CCDC39: variants seen among roughly 807,000 people sequenced by gnomAD.
CCDC39 encodes coiled-coil domain 39 molecular ruler complex subunit.
A neutral mutation model predicts 121.0 loss-of-function variants in CCDC39; 113 were observed. The ratio of observed to expected loss-of-function variants is 0.93; its 90% CI spans 0.80 to 1.09. The LOEUF (loss-of-function observed/expected upper bound fraction) is 1.09. Among genes scored for constraint, CCDC39 ranks in the 50% least tolerant of loss-of-function variants. The probability of loss-of-function intolerance (pLI) is 0.00; values close to 1 mark genes in which losing one functional copy is unlikely to be tolerated. For missense variants in CCDC39, 1,063 were observed against 1,074.7 expected (o/e 0.99, Z 0.15); for synonymous variants, 349 against 352.2 (o/e 0.99, Z 0.10).
rs1017663447 is a variant in CCDC39, at chr3:180,679,138, G to C, written c.90+153C>G. On this transcript the variant is annotated intron_variant, in intron 1 of 19. Transcript: ENST00000476379. The surrounding 1 kb of genome is among the most constrained non-coding windows in gnomAD (Gnocchi z 4.0). The stretch of plus-strand genomic sequence containing the variant: ...AACAATTACTGAAATAGGCAGAGAG[G>C]GTAAGGGAGGAGGGCGATGGTGCGG... Among the ~76,000 whole-genome samples the C allele has an allele frequency of 7.9e-5, 12 of 152,110 alleles. No homozygotes were observed. The highest frequency in any genetic ancestry group is 7.2e-4 in the Admixed American group (11 of 15,268).
chr3:180,631,364 A>G (rs1219135208), intron 14 of CCDC39, 105 bp downstream of exon 14: 17 of 1,066,206 alleles, frequency 1.6e-5, no homozygotes, highest in Non-Finnish European at 2.3e-5. Context: ...TCATGGAGGG[A>G]AAGTTGCAAT....
At chr3:180,668,181 C>T (rs890293666) in intron 1 of CCDC39, among the ~76,000 whole-genome samples, 2 of 152,054 alleles carry the variant, frequency 1.3e-5, no homozygotes, top group African/African-American at 4.8e-5. Context: ...AGTTCAAGAC[C>T]AGTCTTGCAA....
At chr3:180,670,781 G>C (rs1269520454) in intron 1 of CCDC39, among the ~76,000 whole-genome samples, 1 of 151,884 alleles carries the variant, frequency 6.6e-6, no homozygotes, top group Non-Finnish European at 1.5e-5. Context: ...ATATGAGGTG[G>C]GTCTAGACTC....
chr3:180,633,551 G>C (rs868267586), intron 13 of CCDC39, among the ~76,000 whole-genome samples: 3 of 152,092 alleles, frequency 2.0e-5, no homozygotes, highest in Admixed American at 6.5e-5. Context: ...GAGAGACAAG[G>C]GGGGAGATTA....
chr3:180,618,449 C>T lies in CCDC39; in HGVS notation c.2265+810G>A, dbSNP rs1244220048. ...TACTTTAAGTTTTAGGGTACATGTGCACAACATGCAGCTTTGTTGCATATG... is the reference window on the plus strand; with the variant it reads ...TACTTTAAGTTTTAGGGTACATGTGTACAACATGCAGCTTTGTTGCATATG... On this transcript the variant is annotated intron_variant, in intron 16 of 19. Coordinates refer to ENST00000476379, the MANE Select transcript of CCDC39 (RefSeq NM_181426.2). Among the ~76,000 whole-genome samples, 6 of 151,820 alleles carry T rather than the reference C, an allele frequency of 4.0e-5. No homozygotes were observed. In the East Asian group the frequency reaches 1.2e-3, roughly 29 times the overall value.
At chr3:180,644,363 A>G (rs903068922) in intron 11 of CCDC39, 106 bp from the exon 12 acceptor site, 1 of 624,834 alleles carries the variant, frequency 1.6e-6, no homozygotes, top group Admixed American at 3.7e-5. Flanking sequence ...ATACTCAGAT[A>G]TTTAAAATAA....
At chr3:180,661,820 G>T in intron 3 of CCDC39, 41 bp downstream of exon 3, 2 of 1,515,862 alleles carry the variant, frequency 1.3e-6, no homozygotes, top group South Asian at 2.5e-5. Flanking sequence ...ATGGAAGAAT[G>T]AGCAGTAGCA....
In CCDC39 at chr3:180,661,980, T is replaced by C. The variant is rs368066081; in HGVS notation, c.238A>G (p.Thr80Ala). The C allele has an allele frequency of 3.9e-6, 6 of 1,554,356 alleles. No homozygotes were observed. The highest frequency in any genetic ancestry group is 5.2e-6 in the Non-Finnish European group (6 of 1,148,080). The change falls in exon 3 of 20, where the codon ACT (threonine) becomes GCT (alanine). Residue 80 changes from threonine (T) to alanine (A), a missense_variant. Physicochemically the swap from Thr to Ala is moderately conservative, Grantham distance 58. Transcript: ENST00000476379. Reference sequence around the variant, plus strand: ...GCCTTAAAATGTTCTTCACTTTCAGTCTCACGCTCCCTTGCTTTGCAAAGA... The same window carrying C: ...GCCTTAAAATGTTCTTCACTTTCAGCCTCACGCTCCCTTGCTTTGCAAAGA... ...QSLCKARERE[T>A]ESEEHFKAIA...
rs1275367324 is a variant in CCDC39, at chr3:180,651,408, TC to T, written c.1159del (p.Asp387MetfsTer2). On this transcript the variant is annotated frameshift_variant, in exon 9 of 20. Transcript: ENST00000476379. LOFTEE classifies it high-confidence loss of function. ...ATTAAAACTAAACTTTACCTTCACA[TC>T]TTTTTCCTCCTCCTTTAGCATATCT... The part of the protein sequence containing the change: ...LEDMLKEEEK[D>X]VKEVDVQLNL... 1 of 1,555,700 alleles carries T rather than the reference TC, an allele frequency of 6.4e-7. No homozygotes were observed. Among genetic ancestry groups the T allele is most frequent in the Non-Finnish European group, 8.7e-7 (1 of 1,148,854 alleles).
At chr3:180,658,126 C>G (rs1203328040) in intron 6 of CCDC39, among the ~76,000 whole-genome samples, 1 of 151,830 alleles carries the variant, frequency 6.6e-6, no homozygotes. Flanking sequence ...GTAATCCCAG[C>G]TACTTGGGAG....
intron 11 of CCDC39, among the ~76,000 whole-genome samples, chr3:180,645,475 G>A (rs541607143): frequency 1.3e-4 from 20 of 151,374 alleles, no homozygotes; most frequent in African/African-American, 2.2e-4. Context: ...CCCTCTATCC[G>A]TTCCTCCTCT....
intron 1 of CCDC39, among the ~76,000 whole-genome samples, chr3:180,678,928 G>T (rs1439234232): frequency 6.6e-6 from 1 of 152,054 alleles, no homozygotes; most frequent in African/African-American, 2.4e-5. Context: ...GCAAACCTCA[G>T]AAATTCTTTT....
At chr3:180,638,404 C>T (rs868348276) in intron 13 of CCDC39, among the ~76,000 whole-genome samples, 8 of 151,896 alleles carry the variant, frequency 5.3e-5, no homozygotes, top group Non-Finnish European at 8.8e-5. Context: ...AACATCAGTT[C>T]GACAAAACAA....
chr3:180,665,257 G>T (rs1025637584), intron 1 of CCDC39, among the ~76,000 whole-genome samples: 2 of 152,120 alleles, frequency 1.3e-5, no homozygotes, highest in Non-Finnish European at 2.9e-5. Flanking sequence ...ACAAAACTGT[G>T]TAAATGTTAA....
At chr3:180,651,237 A>G (rs1024280455) in intron 9 of CCDC39, among the ~76,000 whole-genome samples, 164 bp downstream of exon 9, 3 of 152,088 alleles carry the variant, frequency 2.0e-5, no homozygotes, top group Non-Finnish European at 2.9e-5. Flanking sequence ...GAATAACTTC[A>G]GAAGCAATGC....
rs142878925 is a variant in CCDC39, at chr3:180,640,582, G to T, written c.1874+1411C>A. ...CCAAAAGAATGCACAAATAACCAATGTCAGGAATATAAAAGGAATCATCTC... is the reference window on the plus strand; with the variant it reads ...CCAAAAGAATGCACAAATAACCAATTTCAGGAATATAAAAGGAATCATCTC... On this transcript the variant is annotated intron_variant, in intron 13 of 19. Coordinates refer to ENST00000476379, the MANE Select transcript of CCDC39 (RefSeq NM_181426.2). Among the ~76,000 whole-genome samples, 681 of 152,008 alleles carry T rather than the reference G, an allele frequency of 4.5e-3. 9 individuals are homozygous for T. Among genetic ancestry groups the T allele is most frequent in the African/African-American group, 0.016 (658 of 41,498 alleles).
At chr3:180,652,809 G>A (rs1711509764) in intron 7 of CCDC39, among the ~76,000 whole-genome samples, 1 of 151,980 alleles carries the variant, frequency 6.6e-6, no homozygotes, top group African/African-American at 2.4e-5. Flanking sequence ...ATTCAGTAAG[G>A]TTTCTGGATA....
At chr3:180,658,559 T>A (rs973414716) in intron 6 of CCDC39, among the ~76,000 whole-genome samples, 1 of 151,036 alleles carries the variant, frequency 6.6e-6, no homozygotes, top group Non-Finnish European at 1.5e-5. Flanking sequence ...ATCAGGTCAC[T>A]GCACTCCAGC....
intron 19 of CCDC39, 78 bp downstream of exon 19, chr3:180,616,203 G>T: frequency 8.3e-7 from 1 of 1,198,254 alleles, no homozygotes; most frequent in Non-Finnish European, 1.2e-6. Flanking sequence ...TAACAGCTGC[G>T]GTGATGTAGA....
Sources: allele counts gnomAD v4.1 joint callset (sites outside exome capture counted in the v4.1 genomes callset), GRCh38; gene constraint gnomAD v4.1.1; non-coding constraint Gnocchi (gnomAD v3.1); transcripts MANE v1.5; gene names NCBI Gene and HGNC (gene_info 2026-07-23, HGNC 2026-07-21).